Variants in KLF8 observed in about 807,000 individuals in gnomAD.
KLF8 encodes the protein Krueppel-like factor 8.
Under a neutral mutation model 18.2 loss-of-function variants are expected in KLF8, and 10 were observed. The ratio of observed to expected loss-of-function variants is 0.55; its 90% confidence interval spans 0.34 to 0.93. KLF8 has a LOEUF of 0.93. KLF8 is among the 40% of genes least tolerant of loss of function. KLF8 has a pLI of 0.02. For missense variants in KLF8, 264 were observed against 277.9 expected (o/e 0.95, Z 0.36); for synonymous variants, 109 against 97.3 (o/e 1.12, Z -0.71).
chrX:55,924,100 C>T, the KLF8 span, among the ~76,000 whole-genome samples: 3 of 111,287 alleles, frequency 2.7e-5, no homozygotes, highest in South Asian at 3.8e-4. Context: ...AGACGAGTCT[C>T]GCTCTGTCGC....
intron 2 of KLF8, among the ~76,000 whole-genome samples, chrX:56,253,682 G>A (rs1487139791): frequency 9.2e-6 from 1 of 108,417 alleles, no homozygotes; most frequent in Admixed American, 9.8e-5. Context: ...AGGATAACAG[G>A]CTATTCTCGG....
At chrX:56,007,842 G>T in the KLF8 span, among the ~76,000 whole-genome samples, 1 of 111,124 alleles carries the variant, frequency 9.0e-6, no homozygotes, top group South Asian at 3.8e-4. Flanking sequence ...CTTAGCTAAG[G>T]GATGCTGGGC....
chrX:56,144,912 C>T, the KLF8 span, among the ~76,000 whole-genome samples: 2 of 107,606 alleles, frequency 1.9e-5, no homozygotes, highest in Non-Finnish European at 3.9e-5. Context: ...CCTGCCTTAG[C>T]CTCCCGAGTA....
the KLF8 span, among the ~76,000 whole-genome samples, chrX:56,104,023 T>C: frequency 8.9e-6 from 1 of 112,155 alleles, no homozygotes; most frequent in Admixed American, 9.5e-5. Context: ...TTTATTAATT[T>C]GCATATGTTG....
the KLF8 span, among the ~76,000 whole-genome samples, chrX:56,035,497 C>T: frequency 8.9e-6 from 1 of 111,912 alleles, no homozygotes. Context: ...AATGGGATTA[C>T]TGGATCATAT....
chrX:56,178,250 T>A, the KLF8 span, among the ~76,000 whole-genome samples: 4 of 112,918 alleles, frequency 3.5e-5, no homozygotes, highest in African/African-American at 1.3e-4. Flanking sequence ...ATGAGCATTT[T>A]CTTCTGTGTC....
the KLF8 span, among the ~76,000 whole-genome samples, chrX:55,924,848 G>GTTTTTTTTTTTTT: frequency 1.6e-5 from 1 of 62,948 alleles, no homozygotes; most frequent in East Asian, 6.5e-4. Flanking sequence ...TTTGTTTTTT[G>GTTTTTTTTTTTTT]CTTTTTTTTT....
chrX:55,989,925 G>A, the KLF8 span, among the ~76,000 whole-genome samples: 1 of 111,171 alleles, frequency 9.0e-6, no homozygotes, highest in South Asian at 3.9e-4. Context: ...TCCTGGTTTA[G>A]TCTTGGGGGG....
chrX:56,169,574 G>T, the KLF8 span, among the ~76,000 whole-genome samples: 1 of 111,762 alleles, frequency 8.9e-6, no homozygotes, highest in Non-Finnish European at 1.9e-5. Flanking sequence ...ACCTGTGATG[G>T]TGGTAGCCAT....
chrX:56,106,273 G>A, the KLF8 span, among the ~76,000 whole-genome samples: 2 of 111,681 alleles, frequency 1.8e-5, no homozygotes, highest in Admixed American at 9.5e-5. Context: ...GCCTTGCTAG[G>A]TTGGGGAAGT....
At chrX:56,190,635 A>G in the KLF8 span, among the ~76,000 whole-genome samples, 1 of 111,928 alleles carries the variant, frequency 8.9e-6, no homozygotes, top group East Asian at 2.8e-4. Context: ...ATCTTCTCTG[A>G]ACATAATGGA....
the KLF8 span, among the ~76,000 whole-genome samples, chrX:56,011,514 C>T: frequency 1.8e-5 from 2 of 111,298 alleles, no homozygotes; most frequent in African/African-American, 6.5e-5. Flanking sequence ...CTAGAAAGAG[C>T]TCAACTTATC....
At chrX:55,928,865 T>C in the KLF8 span, among the ~76,000 whole-genome samples, 1 of 112,116 alleles carries the variant, frequency 8.9e-6, no homozygotes, top group Non-Finnish European at 1.9e-5. Flanking sequence ...GCATGATTTG[T>C]AATCTTTTGG....
At chrX:56,092,781 C>T in the KLF8 span, among the ~76,000 whole-genome samples, 1 of 107,623 alleles carries the variant, frequency 9.3e-6, no homozygotes, top group Non-Finnish European at 1.9e-5. Context: ...TCAAAGGGCT[C>T]TAATGGAAAA....
At chrX:55,977,494 C>CGTGTGTGTGTGT in the KLF8 span, among the ~76,000 whole-genome samples, 5 of 105,404 alleles carry the variant, frequency 4.7e-5, no homozygotes, top group Non-Finnish European at 9.8e-5. Flanking sequence ...ATGCATCCTT[C>CGTGTGTGTGTGT]GTGTGTGTGT....
At chrX:56,070,086 T>A in the KLF8 span, among the ~76,000 whole-genome samples, 1 of 111,934 alleles carries the variant, frequency 8.9e-6, no homozygotes, top group Non-Finnish European at 1.9e-5. Context: ...AAAGAATAAG[T>A]TCATGTTGTT....
At chrX:56,154,216 A>C in the KLF8 span, among the ~76,000 whole-genome samples, 2 of 111,818 alleles carry the variant, frequency 1.8e-5, no homozygotes, top group Non-Finnish European at 3.8e-5. Context: ...ACAGCATGGT[A>C]CTGGTACCAA....
chrX:56,023,077 T>C, the KLF8 span, among the ~76,000 whole-genome samples: 3 of 111,332 alleles, frequency 2.7e-5, no homozygotes, highest in African/African-American at 6.5e-5. Flanking sequence ...ATGCAATATT[T>C]AAATATGTAA....
At chrX:55,941,708 A>T in the KLF8 span, among the ~76,000 whole-genome samples, 1 of 112,204 alleles carries the variant, frequency 8.9e-6, no homozygotes, top group African/African-American at 3.2e-5. Context: ...TGGGCAAAGG[A>T]TATGAACAGA....
Sources: gnomAD v4.1 joint callset for allele counts (sites outside exome capture counted in the v4.1 genomes callset) on GRCh38, gnomAD v4.1.1 for gene constraint, MANE v1.5 for transcripts, NCBI Gene and HGNC (gene_info 2026-07-23, HGNC 2026-07-21) for gene names.